Variants in NARS2 observed in about 807,000 individuals in gnomAD.
NARS2 encodes asparaginyl-tRNA synthetase.
Under a neutral mutation model 62.9 loss-of-function variants are expected in NARS2, and 60 were observed. That is an observed-to-expected ratio of 0.95 (90% CI 0.77 to 1.18). The LOEUF (loss-of-function observed/expected upper bound fraction) is 1.18. Ranked by LOEUF, NARS2 falls within the 50% of genes most tolerant of loss-of-function variation. The pLI, the probability that NARS2 is intolerant of heterozygous loss-of-function variation, is 0.00. For synonymous variants in NARS2, 196 were observed against 200.0 expected (o/e 0.98, Z 0.17); for missense variants, 619 against 576.4 (o/e 1.07, Z -0.76).
At chr11:78,451,948 A>G (rs866444681) in intron 11 of NARS2, among the ~76,000 whole-genome samples, 1 of 152,154 alleles carries the variant, frequency 6.6e-6, no homozygotes, top group Non-Finnish European at 1.5e-5. Context: ...CGGACTCTAG[A>G]GCACATCTTA....
intron 11 of NARS2, among the ~76,000 whole-genome samples, chr11:78,460,251 G>C (rs1325104942): frequency 6.6e-6 from 1 of 150,542 alleles, no homozygotes; most frequent in Non-Finnish European, 1.5e-5. Flanking sequence ...TTTAAGAAGA[G>C]TGACAACATG....
intron 6 of NARS2, among the ~76,000 whole-genome samples, chr11:78,498,890 CTTTTTTTTTTTTTT>C (rs35157157): frequency 4.8e-5 from 3 of 62,276 alleles, no homozygotes; most frequent in Non-Finnish European, 8.3e-5. Flanking sequence ...CATCCTCAGT[CTTTTTTTTTTTTTT>C]TTTTTTTTTT....
At chr11:78,477,928 C>CCA (rs945667539) in intron 9 of NARS2, among the ~76,000 whole-genome samples, 5 of 152,058 alleles carry the variant, frequency 3.3e-5, no homozygotes, top group African/African-American at 9.7e-5. Context: ...CTCTCTATCT[C>CCA]CACACACACA....
At chr11:78,476,663 C>T (rs191058769) in intron 9 of NARS2, among the ~76,000 whole-genome samples, 1 of 152,280 alleles carries the variant, frequency 6.6e-6, no homozygotes, top group Admixed American at 6.5e-5. Flanking sequence ...TCCCTCTCCC[C>T]ACAAATTTAA....
intron 6 of NARS2, among the ~76,000 whole-genome samples, chr11:78,507,463 T>C (rs1200150382): frequency 1.3e-5 from 2 of 151,848 alleles, no homozygotes; most frequent in East Asian, 3.8e-4. Context: ...GAGAGAGAAT[T>C]TGATTTCCAC....
At chr11:78,517,780 A>G (rs956863554) in intron 6 of NARS2, among the ~76,000 whole-genome samples, 1 of 152,246 alleles carries the variant, frequency 6.6e-6, no homozygotes, top group Non-Finnish European at 1.5e-5. Context: ...GCCTTCTGTC[A>G]ATACTATACA....
chr11:78,478,609 G>C lies in NARS2; in HGVS notation c.897C>G (p.His299Gln). The change falls in exon 8 of 14, where the codon CAC becomes CAG. Residue 299 changes from histidine (H) to glutamine (Q), a missense_variant. Transcript: ENST00000281038. ...SKCPEDVELC[H>Q]KFIAPGQKDR... The stretch of plus-strand genomic sequence containing the variant: ...CCTTTTGGCCAGGTGCTATGAATTT[G>C]TGACAGAGTTCAACATCTTCAGGAC... The C allele has an allele frequency of 1.2e-6, 2 of 1,611,010 alleles. No individual in the cohort carries two copies. The highest frequency in any genetic ancestry group is 1.7e-6 in the Non-Finnish European group (2 of 1,178,186).
intron 5 of NARS2, among the ~76,000 whole-genome samples, chr11:78,539,007 A>C (rs1317401810): frequency 1.6e-4 from 24 of 147,100 alleles, no homozygotes; most frequent in Admixed American, 3.4e-4. Context: ...AAAAAAAAAA[A>C]AAAAAAAAAA....
intron 5 of NARS2, among the ~76,000 whole-genome samples, chr11:78,553,452 CTAA>C (rs996623889): frequency 2.0e-5 from 3 of 152,114 alleles, no homozygotes; most frequent in African/African-American, 7.2e-5. Flanking sequence ...CCATGCCCGG[CTAA>C]TGTTTGTATT....
chr11:78,562,235 GC>G (rs1381466468), intron 4 of NARS2, among the ~76,000 whole-genome samples: 4 of 151,728 alleles, frequency 2.6e-5, no homozygotes, highest in Non-Finnish European at 5.9e-5. Flanking sequence ...ACCAGCTTAG[GC>G]AACACAGTGA....
intron 6 of NARS2, among the ~76,000 whole-genome samples, chr11:78,497,415 AG>A (rs1246669409): frequency 1.3e-5 from 2 of 152,144 alleles, no homozygotes; most frequent in African/African-American, 4.8e-5. Context: ...GAAAGAACAG[AG>A]GAACTGCTAT....
At chr11:78,556,565 G>C (rs1352409343) in intron 5 of NARS2, among the ~76,000 whole-genome samples, 4 of 152,142 alleles carry the variant, frequency 2.6e-5, no homozygotes, top group Admixed American at 1.3e-4. Flanking sequence ...ACTTTGTAAA[G>C]ATCAATTGCT....
chr11:78,565,345 A>C (rs183844749), intron 4 of NARS2, among the ~76,000 whole-genome samples: 1 of 152,342 alleles, frequency 6.6e-6, no homozygotes, highest in Admixed American at 6.5e-5. Context: ...ACAACAACAA[A>C]AACAGTAACA....
At chr11:78,549,805 A>T (rs953472547) in intron 5 of NARS2, among the ~76,000 whole-genome samples, 2 of 151,576 alleles carry the variant, frequency 1.3e-5, no homozygotes, top group African/African-American at 4.8e-5. Flanking sequence ...GGCATACTCA[A>T]GGCTATTCCC....
In NARS2 at chr11:78,442,610, T is replaced by C. The variant is rs939559526; in HGVS notation, c.1262+1051A>G. 2.1e-5 allele frequency among the ~76,000 whole-genome samples: 3 copies of C among 145,560 alleles called. No homozygotes were observed. In the East Asian group the frequency reaches 6.2e-4, roughly 30 times the overall value. ...CTGGAGAGAATGAAGCATACAGACA[T>C]GGTAAAGTCTTTCTTTTTTTTTTTT... On this transcript the variant is annotated intron_variant, in intron 12 of 13. Transcript: ENST00000281038.
intron 5 of NARS2, among the ~76,000 whole-genome samples, chr11:78,548,828 C>T (rs576927618): frequency 1.3e-5 from 2 of 152,044 alleles, no homozygotes; most frequent in East Asian, 1.9e-4. Flanking sequence ...CATTTAAAGT[C>T]TCTAGAAATC....
chr11:78,466,062 A>G (rs920969601), intron 10 of NARS2, 49 bp from the exon 11 acceptor site: 5 of 1,534,474 alleles, frequency 3.3e-6, no homozygotes, highest in Non-Finnish European at 4.4e-6. Flanking sequence ...GAGGTGAAAT[A>G]TACAATTAAG....
At chr11:78,564,678 A>G (rs145859606) in intron 4 of NARS2, among the ~76,000 whole-genome samples, 1 of 152,238 alleles carries the variant, frequency 6.6e-6, no homozygotes, top group Non-Finnish European at 1.5e-5. Context: ...GTGGTTAAAA[A>G]ACAAAAAGGT....
chr11:78,494,353 C>T lies in NARS2; in HGVS notation c.690-1158G>A, dbSNP rs545526016. ...AAGCAAGCTGTTTGAGGCTCCTTAG[C>T]TATGATCCTTGATCCTGAGCACACC... On this transcript the variant is annotated intron_variant, in intron 6 of 13. Coordinates refer to ENST00000281038, the MANE Select transcript of NARS2 (RefSeq NM_024678.6). Among the ~76,000 whole-genome samples, 3 of 152,178 alleles carry T rather than the reference C, an allele frequency of 2.0e-5. No homozygotes were observed. The East Asian group carries it at 5.8e-4, about 29-fold the overall frequency.
Sources: allele counts gnomAD v4.1 joint callset (sites outside exome capture counted in the v4.1 genomes callset), GRCh38; gene constraint gnomAD v4.1.1; transcripts MANE v1.5; gene names NCBI Gene and HGNC (gene_info 2026-07-23, HGNC 2026-07-21).